TENM4: variants seen among roughly 807,000 people sequenced by gnomAD.
TENM4 encodes the protein teneurin-4.
A neutral mutation model predicts 243.3 loss-of-function variants in TENM4; 82 were observed. The ratio of observed to expected loss-of-function variants is 0.34; its 90% CI spans 0.28 to 0.40. TENM4 has a LOEUF of 0.40. Ranked by LOEUF, TENM4 falls within the 10% of genes least tolerant of loss-of-function variation. TENM4 has a pLI of 1.00. For synonymous variants in TENM4, 1,412 were observed against 1,456.3 expected, an observed-to-expected ratio of 0.97 and a Z score of 0.69; for missense variants, 3,138 against 3,673.3, an observed-to-expected ratio of 0.85 and a Z score of 3.77.
chr11:79,301,631 G>A (rs148349056), intron 1 of TENM4, among the ~76,000 whole-genome samples: 4 of 152,314 alleles, frequency 2.6e-5, no homozygotes, highest in East Asian at 1.9e-4. Flanking sequence ...GTTTGGATCC[G>A]AGTCCTCACC....
intron 6 of TENM4, among the ~76,000 whole-genome samples, chr11:78,944,386 C>T (rs60319500): frequency 0.013 from 1,952 of 152,288 alleles, 39 homozygotes; most frequent in African/African-American, 0.044. Flanking sequence ...TGTCTGGGAA[C>T]CTAGGCTCTG....
intron 3 of TENM4, among the ~76,000 whole-genome samples, chr11:79,210,900 A>G (rs1393920124): frequency 6.6e-6 from 1 of 152,192 alleles, no homozygotes; most frequent in East Asian, 1.9e-4. Context: ...ACATTTGTAC[A>G]CCATCAAGAA....
intron 1 of TENM4, among the ~76,000 whole-genome samples, chr11:79,402,787 T>C (rs1858489343): frequency 6.6e-6 from 1 of 152,236 alleles, no homozygotes; most frequent in South Asian, 2.1e-4. Flanking sequence ...CTCCAAGGCT[T>C]CTGACAAAGT....
At chr11:78,888,419 A>G (rs776035472) in intron 9 of TENM4, among the ~76,000 whole-genome samples, 4 of 152,240 alleles carry the variant, frequency 2.6e-5, no homozygotes, top group Non-Finnish European at 5.9e-5. Flanking sequence ...GAGACCTGAC[A>G]TGCCAGAGGA....
chr11:79,291,906 A>C (rs1565286042), intron 2 of TENM4, among the ~76,000 whole-genome samples: 1 of 152,178 alleles, frequency 6.6e-6, no homozygotes, highest in African/African-American at 2.4e-5. Context: ...CTGCAGTCCC[A>C]GGACTTAGAA....
At chr11:78,808,214 C>T (rs987803311) in intron 14 of TENM4, among the ~76,000 whole-genome samples, 8 of 152,208 alleles carry the variant, frequency 5.3e-5, no homozygotes, top group Non-Finnish European at 1.5e-5. Flanking sequence ...ATTCTGGGAA[C>T]ATTTATTTTG....
intron 2 of TENM4, among the ~76,000 whole-genome samples, chr11:79,234,798 A>G (rs1864432885): frequency 6.6e-6 from 1 of 152,176 alleles, no homozygotes; most frequent in South Asian, 2.1e-4. Flanking sequence ...AGGAAAAGAA[A>G]CAGTGTACCC....
chr11:79,439,663 C>CCACACACA (rs141828517), intron 1 of TENM4, among the ~76,000 whole-genome samples: 13,369 of 146,700 alleles, frequency 0.091, 728 homozygotes, highest in South Asian at 0.15. Context: ...GTGTGTGTGT[C>CCACACACA]CACACACACA....
At position 78,828,001 on chromosome 11, in the gene TENM4, C is replaced by T. The variant is rs544890730; in HGVS notation, c.1682-13606G>A. 3.3e-5 allele frequency among the ~76,000 whole-genome samples: 5 copies of T among 152,304 alleles called. No individual in the cohort carries two copies. In the South Asian group the frequency reaches 1.0e-3, roughly 32 times the overall value. On this transcript the variant is annotated intron_variant, in intron 12 of 33. Transcript: ENST00000278550. ...AGAGGAAGGATCCATTTCCAATTCT[C>T]CCTCTTATCTGTGCTGCCACAGTGA...
At chr11:79,303,960 G>A (rs913431185) in intron 1 of TENM4, among the ~76,000 whole-genome samples, 1 of 152,142 alleles carries the variant, frequency 6.6e-6, no homozygotes, top group African/African-American at 2.4e-5. Context: ...GGAAACCAGG[G>A]CAGAAGCCCA....
chr11:78,725,750 C>G (rs1480502426), intron 23 of TENM4, among the ~76,000 whole-genome samples: 2 of 152,228 alleles, frequency 1.3e-5, no homozygotes, highest in Non-Finnish European at 2.9e-5. Context: ...AACCAAGACG[C>G]TGGGTGAGGT....
At chr11:79,185,334 A>C (rs897437923) in intron 3 of TENM4, among the ~76,000 whole-genome samples, 13 of 151,590 alleles carry the variant, frequency 8.6e-5, no homozygotes, top group Admixed American at 3.3e-4. Flanking sequence ...AACAACAAAA[A>C]CCCCCAAAAC....
intron 1 of TENM4, among the ~76,000 whole-genome samples, chr11:79,380,031 G>A (rs1440677922): frequency 6.6e-6 from 1 of 152,122 alleles, no homozygotes; most frequent in Admixed American, 6.5e-5. Flanking sequence ...TAATGGGGGT[G>A]AAAGTGAGGG....
intron 1 of TENM4, among the ~76,000 whole-genome samples, chr11:79,299,843 G>A (rs896851487): frequency 6.6e-6 from 1 of 152,182 alleles, no homozygotes; most frequent in African/African-American, 2.4e-5. Flanking sequence ...CTGTCATCTG[G>A]TTTTAAATTA....
intron 17 of TENM4, 151 bp downstream of exon 17, chr11:78,778,451 T>C: frequency 2.5e-6 from 2 of 806,760 alleles, no homozygotes; most frequent in Non-Finnish European, 4.0e-6. Flanking sequence ...CTTTGGGCAA[T>C]GGATGCTGCG....
intron 30 of TENM4, among the ~76,000 whole-genome samples, chr11:78,673,337 T>C (rs1209842920): frequency 6.6e-6 from 1 of 152,220 alleles, no homozygotes; most frequent in Non-Finnish European, 1.5e-5. Flanking sequence ...CGCTAATTGG[T>C]GTCTGGCCTT....
chr11:78,993,726 T>C (rs1466409529), intron 6 of TENM4, among the ~76,000 whole-genome samples: 3 of 152,236 alleles, frequency 2.0e-5, no homozygotes, highest in East Asian at 1.9e-4. Flanking sequence ...TCCATTTCTC[T>C]ATGAAGATGT....
intron 2 of TENM4, among the ~76,000 whole-genome samples, chr11:79,251,078 G>A (rs778111820): frequency 9.2e-5 from 14 of 152,126 alleles, no homozygotes; most frequent in Admixed American, 1.3e-4. Flanking sequence ...AAGTGAAAGA[G>A]CTGAAGACAT....
intron 3 of TENM4, among the ~76,000 whole-genome samples, chr11:79,205,088 G>A (rs533585602): frequency 2.0e-4 from 30 of 152,250 alleles, no homozygotes; most frequent in Admixed American, 3.3e-4. Flanking sequence ...GGGGCACACC[G>A]TTATCTTCAG....
Sources: allele counts gnomAD v4.1 joint callset (sites outside exome capture counted in the v4.1 genomes callset), GRCh38; gene constraint gnomAD v4.1.1; transcripts MANE v1.5; gene names NCBI Gene and HGNC (gene_info 2026-07-23, HGNC 2026-07-21).